TPST2: variants seen among roughly 807,000 people sequenced by gnomAD.
TPST2 encodes tyrosylprotein sulfotransferase 2, also known as protein-tyrosine sulfotransferase 2.
TPST2 carries 16 observed loss-of-function variants against 27.8 expected under a neutral mutation model. That is an observed-to-expected ratio of 0.58 (90% CI 0.39 to 0.88). TPST2 has a LOEUF of 0.88. Ranked by LOEUF, TPST2 falls within the 40% of genes least tolerant of loss-of-function variation. TPST2 has a pLI of 0.00. For missense variants in TPST2, 464 were observed against 543.1 expected, an observed-to-expected ratio of 0.85 and a Z score of 1.45; for synonymous variants, 229 against 231.7, an observed-to-expected ratio of 0.99 and a Z score of 0.10.
intron 1 of TPST2, among the ~76,000 whole-genome samples, chr22:26,573,792 C>T (rs1028306312): frequency 2.6e-5 from 4 of 152,074 alleles, no homozygotes; most frequent in Non-Finnish European, 5.9e-5. Flanking sequence ...GTTTTAAGAG[C>T]AGAATTTGCC....
Position 26,541,124 on chromosome 22 carries a change from C to T in TPST2, c.507G>A (p.Leu169=), listed in dbSNP as rs921587084. 1.2e-6 allele frequency: 2 copies of T among 1,607,902 alleles called. No homozygotes were observed. Among genetic ancestry groups the T allele is most frequent in the African/African-American group, 1.3e-5 (1 of 74,988 alleles). The change falls in exon 3 of 7, where the codon CTG becomes CTA. Residue 169 remains leucine, a synonymous_variant. Coordinates refer to ENST00000338754, the MANE Select transcript of TPST2 (RefSeq NM_003595.5). The surrounding 1 kb of genome is among the most constrained non-coding windows in gnomAD (Gnocchi z 5.9). ...ACTTGGAGTTGGGGAACAGGCGCGACAGGTAGACCGAGGACTTGAGCGTAA... is the reference window on the plus strand; with the variant it reads ...ACTTGGAGTTGGGGAACAGGCGCGATAGGTAGACCGAGGACTTGAGCGTAA... ...DPFTLKSSVY[L]SRLFPNSKFL... is the part of the protein sequence containing the mutation.
At chr22:26,587,626 C>T (rs1928392950) in intron 1 of TPST2, among the ~76,000 whole-genome samples, 1 of 152,186 alleles carries the variant, frequency 6.6e-6, no homozygotes, top group African/African-American at 2.4e-5. Flanking sequence ...AGGTGTGAGC[C>T]TCCGTGCCCG....
intron 1 of TPST2, among the ~76,000 whole-genome samples, chr22:26,570,385 G>A (rs1325910824): frequency 6.6e-6 from 1 of 152,144 alleles, no homozygotes; most frequent in Non-Finnish European, 1.5e-5. Context: ...CTCAATAAAT[G>A]AGCAGCCAGG....
rs1490894104 is a variant in TPST2, at chr22:26,528,237, T to C, written c.1118A>G (p.His373Arg). The change falls in exon 6 of 7, where the codon CAC (histidine) becomes CGC (arginine). Residue 373 changes from histidine (H) to arginine (R), a missense_variant. Transcript: ENST00000338754. ...ACCTGGAAATCACGAGCTTCCTAAG[T>C]GGGAGGAGGTGCTGTTCTGGTTCAC... is the stretch of plus-strand genomic sequence containing the variant. Reference protein sequence around the residue: ...FQVNQNSTSSHLGSS With the variant: ...FQVNQNSTSSRLGSS The C allele has an allele frequency of 6.4e-7, 1 of 1,564,024 alleles. No individual in the cohort carries two copies. The highest frequency in any genetic ancestry group is 8.7e-7 in the Non-Finnish European group (1 of 1,152,566).
chr22:26,556,588 A>G (rs2147212478), intron 1 of TPST2, among the ~76,000 whole-genome samples: 1 of 152,350 alleles, frequency 6.6e-6, no homozygotes, highest in South Asian at 2.1e-4. Flanking sequence ...TGCCACTACT[A>G]CTGTGATTTA....
At chr22:26,553,554 G>A (rs780257157) in intron 1 of TPST2, among the ~76,000 whole-genome samples, 3 of 151,864 alleles carry the variant, frequency 2.0e-5, no homozygotes, top group Non-Finnish European at 2.9e-5. Context: ...TTATTTTTGT[G>A]GAGACGGGGT....
intron 1 of TPST2, among the ~76,000 whole-genome samples, chr22:26,563,781 G>A (rs1210196651): frequency 1.3e-5 from 2 of 152,214 alleles, no homozygotes; most frequent in East Asian, 3.8e-4. Context: ...GCCCATGCAT[G>A]AAAGGTGCCC....
At chr22:26,584,796 A>T (rs910353268) in intron 1 of TPST2, among the ~76,000 whole-genome samples, 1 of 152,334 alleles carries the variant, frequency 6.6e-6, no homozygotes, top group African/African-American at 2.4e-5. Context: ...GCCTGTTCAC[A>T]TCATATGGCT....
chr22:26,545,911 C>A (rs182768296), intron 1 of TPST2, among the ~76,000 whole-genome samples: 3 of 152,026 alleles, frequency 2.0e-5, no homozygotes, highest in Admixed American at 2.0e-4. Flanking sequence ...GAGACCCAGT[C>A]TCTACAAAAA....
At chr22:26,545,036 A>C (rs1339062657) in intron 1 of TPST2, among the ~76,000 whole-genome samples, 3 of 152,132 alleles carry the variant, frequency 2.0e-5, no homozygotes, top group South Asian at 2.1e-4. Flanking sequence ...AAGCAACAAC[A>C]ACCACCACTA....
At position 26,526,116 on chromosome 22, in the gene TPST2, A is replaced by G. The variant is rs1409248787; in HGVS notation, c.*159T>C. 1 of 152,238 alleles carries G rather than the reference A, an allele frequency of 6.6e-6. No homozygotes were observed. Among genetic ancestry groups the G allele is most frequent in the East Asian group, 1.9e-4 (1 of 5,202 alleles). 9.4% of individuals were successfully genotyped at this position (152,238 alleles called of 1,614,324 possible). A position where few individuals can be genotyped will look rare whatever the true frequency, so the allele number is the denominator to read the frequency against. ...TAGAGAGTTTCAAGGTACGTTTTCA[A>G]TGATTCAGCTTTTGCAAACATATGC... On this transcript the variant is annotated 3_prime_UTR_variant, in exon 7 of 7. Coordinates refer to ENST00000338754, the MANE Select transcript of TPST2 (RefSeq NM_003595.5).
At chr22:26,538,809 C>A (rs372994931) in intron 3 of TPST2, among the ~76,000 whole-genome samples, 2 of 152,182 alleles carry the variant, frequency 1.3e-5, no homozygotes, top group Non-Finnish European at 2.9e-5. Flanking sequence ...GGTGACAGAG[C>A]GAGACTCCGT....
intron 1 of TPST2, among the ~76,000 whole-genome samples, chr22:26,564,397 T>C (rs982443039): frequency 6.6e-6 from 1 of 152,336 alleles, no homozygotes; most frequent in South Asian, 2.1e-4. Flanking sequence ...TGCCCCTTCA[T>C]GTCCAGTCAT....
chr22:26,576,512 A>C (rs1201238647), intron 1 of TPST2, among the ~76,000 whole-genome samples: 1 of 151,984 alleles, frequency 6.6e-6, no homozygotes, highest in East Asian at 1.9e-4. Context: ...ACACGTGCAG[A>C]AGTTAGAGGA....
At chr22:26,539,437 G>T (rs1925667333) in intron 3 of TPST2, among the ~76,000 whole-genome samples, 1 of 152,038 alleles carries the variant, frequency 6.6e-6, no homozygotes, top group Non-Finnish European at 1.5e-5. Flanking sequence ...AGGATGAGGG[G>T]GAGTGAAGGG....
chr22:26,538,887 C>A (rs2147185476), intron 3 of TPST2, among the ~76,000 whole-genome samples: 1 of 152,304 alleles, frequency 6.6e-6, no homozygotes, highest in South Asian at 2.1e-4. Context: ...CAAGGGCTCC[C>A]ACACCACCGT....
At chr22:26,572,465 T>C (rs1927667086) in intron 1 of TPST2, among the ~76,000 whole-genome samples, 1 of 152,146 alleles carries the variant, frequency 6.6e-6, no homozygotes, top group Non-Finnish European at 1.5e-5. Flanking sequence ...CATAATCCAA[T>C]AAATTTACCT....
rs1408393745 is a variant in TPST2 at position 26,541,856 on chromosome 22, T to C, written c.-88-138A>G. ...GCACCTTTCATAAGCACTAGCTGTG[T>C]GCCTGGCACCCTGCTGGGCACTTTT... On this transcript the variant is annotated intron_variant, in intron 2 of 6. Transcript: ENST00000338754. The surrounding 1 kb of genome is among the most constrained non-coding windows in gnomAD (Gnocchi z 5.9). 5 of 856,858 alleles carry C rather than the reference T, an allele frequency of 5.8e-6. No homozygotes were observed. In the East Asian group the frequency reaches 1.2e-4, roughly 21 times the overall value. 53.1% of individuals were successfully genotyped at this position (856,858 alleles called of 1,614,324 possible).
intron 1 of TPST2, among the ~76,000 whole-genome samples, chr22:26,559,251 A>C (rs971253303): frequency 6.6e-6 from 1 of 152,242 alleles, no homozygotes; most frequent in African/African-American, 2.4e-5. Context: ...CTGTAATCCC[A>C]GCTGCTCAAG....
Sources: gnomAD v4.1 joint callset for allele counts (sites outside exome capture counted in the v4.1 genomes callset) on GRCh38, gnomAD v4.1.1 for gene constraint, Gnocchi (gnomAD v3.1) non-coding constraint, MANE v1.5 for transcripts, NCBI Gene and HGNC (gene_info 2026-07-23, HGNC 2026-07-21) for gene names.